Variants in CPPED1 observed in about 807,000 individuals in gnomAD.
The protein encoded by CPPED1 is serine/threonine-protein phosphatase CPPED1.
In CPPED1, 28 loss-of-function variants were observed where a neutral mutation model predicts 28.0. The ratio of observed to expected loss-of-function variants is 1.00; its 90% CI spans 0.74 to 1.37. The LOEUF (loss-of-function observed/expected upper bound fraction) is 1.37. CPPED1 is among the 40% of genes most tolerant of loss of function. CPPED1 has a pLI of 0.00. For missense variants in CPPED1, 504 were observed against 416.5 expected (o/e 1.21, Z -1.83); for synonymous variants, 198 against 180.2 (o/e 1.10, Z -0.79).
intron 3 of CPPED1, among the ~76,000 whole-genome samples, chr16:12,701,472 G>A (rs2080020482): frequency 6.6e-6 from 1 of 152,154 alleles, no homozygotes; most frequent in Non-Finnish European, 1.5e-5. Context: ...AGGTGGAGGA[G>A]GTGGTAGTGA....
intron 3 of CPPED1, among the ~76,000 whole-genome samples, chr16:12,684,217 C>T (rs919517442): frequency 2.0e-5 from 3 of 152,170 alleles, no homozygotes; most frequent in African/African-American, 7.2e-5. Context: ...AGCCATCTTT[C>T]TCAAATGCAA....
In CPPED1 at chr16:12,767,918, G is replaced by A. The variant is rs192692067; in HGVS notation, c.289+13267C>T. Among the ~76,000 whole-genome samples the A allele has an allele frequency of 1.4e-3, 209 of 152,264 alleles. 4 individuals are homozygous for A. Among genetic ancestry groups the A allele is most frequent in the Non-Finnish European group, 2.8e-4 (19 of 68,024 alleles). ...TGCAGTGAGCAGAGATCGCGCCACT[G>A]CACTCCAGCCTGAGCGACAAATTGG... On this transcript the variant is annotated intron_variant, in intron 2 of 3. Coordinates refer to ENST00000381774, the MANE Select transcript of CPPED1 (RefSeq NM_018340.3).
intron 1 of CPPED1, among the ~76,000 whole-genome samples, chr16:12,798,493 G>A (rs1228402514): frequency 6.6e-6 from 1 of 152,212 alleles, no homozygotes; most frequent in African/African-American, 2.4e-5. Context: ...GCAAGAGACA[G>A]AGTGAGTTAT....
intron 2 of CPPED1, among the ~76,000 whole-genome samples, chr16:12,765,496 T>C (rs2080433174): frequency 6.6e-6 from 1 of 152,252 alleles, no homozygotes; most frequent in South Asian, 2.1e-4. Context: ...AAATATGCTT[T>C]AATGTGCTTT....
At chr16:12,690,740 G>A (rs2079958256) in intron 3 of CPPED1, among the ~76,000 whole-genome samples, 2 of 151,750 alleles carry the variant, frequency 1.3e-5, no homozygotes. Context: ...CAAGATGAAC[G>A]GATGAACGGA....
chr16:12,802,423 G>A (rs1189965022), intron 1 of CPPED1, among the ~76,000 whole-genome samples: 2 of 152,054 alleles, frequency 1.3e-5, no homozygotes, highest in Non-Finnish European at 2.9e-5. Context: ...CCAACATGGA[G>A]AAACCCCATC....
In CPPED1 at chr16:12,690,661, C is replaced by T. The variant is rs530470312; in HGVS notation, c.715+13963G>A. On this transcript the variant is annotated intron_variant, in intron 3 of 3. Coordinates refer to ENST00000381774, the MANE Select transcript of CPPED1 (RefSeq NM_018340.3). Reference sequence around the variant, plus strand: ...GTGAAACAGTGAGATCTAGTTTCTACCAAAAAAAAAAAAAAAAAAAGACAC... The same window carrying T: ...GTGAAACAGTGAGATCTAGTTTCTATCAAAAAAAAAAAAAAAAAAAGACAC... 6.6e-5 allele frequency among the ~76,000 whole-genome samples: 7 copies of T among 105,630 alleles called. No individual in the cohort carries two copies. In the South Asian group the frequency reaches 2.0e-3, roughly 30 times the overall value. The allele number at this position is 105,630 out of a possible 152,430, so 69.3% of individuals were successfully genotyped here. A position where few individuals can be genotyped will look rare whatever the true frequency, so the allele number is the denominator to read the frequency against.
intron 2 of CPPED1, among the ~76,000 whole-genome samples, chr16:12,739,994 G>T (rs1446760422): frequency 6.0e-5 from 9 of 149,850 alleles, no homozygotes; most frequent in Admixed American, 3.3e-4. Flanking sequence ...GAGCTGCCTA[G>T]CCTTGTTATT....
intron 1 of CPPED1, among the ~76,000 whole-genome samples, chr16:12,801,420 C>T (rs1249641649): frequency 2.0e-5 from 3 of 151,794 alleles, no homozygotes; most frequent in Admixed American, 6.6e-5. Context: ...CGTGAGCCAC[C>T]GCAGCCAGCC....
intron 3 of CPPED1, among the ~76,000 whole-genome samples, chr16:12,683,897 G>A (rs566332586): frequency 1.3e-5 from 2 of 152,336 alleles, no homozygotes; most frequent in East Asian, 3.9e-4. Context: ...ATTTCAATAA[G>A]GATCCAGCCT....
intron 2 of CPPED1, among the ~76,000 whole-genome samples, chr16:12,727,243 G>C (rs907545894): frequency 2.4e-4 from 37 of 152,188 alleles, no homozygotes; most frequent in African/African-American, 7.7e-4. Context: ...GGTGGCAACA[G>C]GCATTCTGGC....
chr16:12,712,157 T>C (rs2080083459), intron 2 of CPPED1, among the ~76,000 whole-genome samples: 1 of 152,122 alleles, frequency 6.6e-6, no homozygotes, highest in South Asian at 2.1e-4. Context: ...GATGGATACA[T>C]GGATGAGACA....
At chr16:12,735,010 A>T (rs780193474) in intron 2 of CPPED1, among the ~76,000 whole-genome samples, 1 of 152,188 alleles carries the variant, frequency 6.6e-6, no homozygotes, top group Non-Finnish European at 1.5e-5. Context: ...AGCCAGGGCA[A>T]TAGGGTGAAC....
intron 2 of CPPED1, among the ~76,000 whole-genome samples, chr16:12,714,231 C>T (rs563230626): frequency 3.3e-5 from 5 of 152,258 alleles, no homozygotes; most frequent in African/African-American, 1.2e-4. Context: ...ATGAATTATG[C>T]TGCTATAAAA....
chr16:12,707,443 T>C (rs1330478478), intron 2 of CPPED1, among the ~76,000 whole-genome samples: 1 of 152,198 alleles, frequency 6.6e-6, no homozygotes, highest in Non-Finnish European at 1.5e-5. Flanking sequence ...TACAGTGTCC[T>C]GGTCACAAAC....
At chr16:12,691,018 G>A (rs892855156) in intron 3 of CPPED1, among the ~76,000 whole-genome samples, 7 of 152,154 alleles carry the variant, frequency 4.6e-5, no homozygotes, top group African/African-American at 1.7e-4. Flanking sequence ...ATCAGCACCC[G>A]TGCCCACGGT....
At chr16:12,763,788 G>A (rs1184116996) in intron 2 of CPPED1, among the ~76,000 whole-genome samples, 1 of 152,184 alleles carries the variant, frequency 6.6e-6, no homozygotes, top group Non-Finnish European at 1.5e-5. Flanking sequence ...GAGGGGCCCT[G>A]CAGTGCTGGT....
intron 2 of CPPED1, among the ~76,000 whole-genome samples, chr16:12,775,397 G>C (rs769878120): frequency 6.6e-6 from 1 of 152,130 alleles, no homozygotes; most frequent in Admixed American, 6.5e-5. Flanking sequence ...TACTTTTCCT[G>C]CAGCACTGCC....
intron 3 of CPPED1, among the ~76,000 whole-genome samples, chr16:12,703,008 G>A (rs1243203811): frequency 7.9e-5 from 8 of 101,328 alleles, no homozygotes; most frequent in East Asian, 2.6e-4. Context: ...GCGGGACTCC[G>A]TCTCAAAAAA....
Sources: gnomAD v4.1 joint callset for allele counts (sites outside exome capture counted in the v4.1 genomes callset) on GRCh38, gnomAD v4.1.1 for gene constraint, MANE v1.5 for transcripts, NCBI Gene and HGNC (gene_info 2026-07-23, HGNC 2026-07-21) for gene names.